CLPTM1: variants seen among roughly 807,000 people sequenced by gnomAD.
CLPTM1 encodes CLPTM1 regulator of GABA type A receptor forward trafficking, also known as putative lipid scramblase CLPTM1.
Under a neutral mutation model 77.3 loss-of-function variants are expected in CLPTM1, and 21 were observed. That is an observed-to-expected ratio of 0.27 (90% CI 0.19 to 0.39). The LOEUF is 0.39. CLPTM1 is among the 10% of genes least tolerant of loss of function. The pLI, the probability that CLPTM1 is intolerant of heterozygous loss-of-function variation, is 1.00. For synonymous variants in CLPTM1, 373 were observed against 381.0 expected, an observed-to-expected ratio of 0.98 and a Z score of 0.24; for missense variants, 642 against 921.2, an observed-to-expected ratio of 0.70 and a Z score of 3.92.
rs753152761 is a variant in CLPTM1 at position 44,962,000 on chromosome 19, C to T, written c.110C>T (p.Ala37Val). 41 of 1,609,880 alleles carry T rather than the reference C, an allele frequency of 2.5e-5. No individual in the cohort carries two copies. The highest frequency in any genetic ancestry group is 3.2e-5 in the Non-Finnish European group (38 of 1,178,736). Residue 37 changes from alanine to valine, a missense_variant, in exon 2 of 14, where the codon GCG (alanine) becomes GTG (valine). Transcript: ENST00000337392. ...GGCAGCATCGGGAGGGACCCGCCAG[C>T]GGAGACCCAGCCTCAGAACCCACCG... ...SNGSIGRDPP[A>V]ETQPQNPPAQ...
At chr19:44,969,528 G>A (rs1375434225) in intron 2 of CLPTM1, among the ~76,000 whole-genome samples, 1 of 152,158 alleles carries the variant, frequency 6.6e-6, no homozygotes, top group African/African-American at 2.4e-5. Context: ...GCAGTCTTCA[G>A]TGACCCAGAC....
chr19:44,958,991 T>C (rs1176830163), intron 1 of CLPTM1, among the ~76,000 whole-genome samples: 1 of 152,252 alleles, frequency 6.6e-6, no homozygotes, highest in Non-Finnish European at 1.5e-5. Context: ...TTGTTCATTT[T>C]TATTTTATTT....
intron 4 of CLPTM1, among the ~76,000 whole-genome samples, chr19:44,975,833 G>A (rs1970797744): frequency 6.6e-6 from 1 of 152,064 alleles, no homozygotes; most frequent in South Asian, 2.1e-4. Flanking sequence ...CAAAGTGCTG[G>A]GATTACAGGC....
chr19:44,967,813 T>C (rs1216445999), intron 2 of CLPTM1, among the ~76,000 whole-genome samples: 1 of 152,200 alleles, frequency 6.6e-6, no homozygotes, highest in African/African-American at 2.4e-5. Flanking sequence ...GTTGCAAAAC[T>C]GACATGTGTG....
rs568428776 is a variant in CLPTM1, at chr19:44,964,375, A to G, written c.185+2300A>G. On this transcript the variant is annotated intron_variant, in intron 2 of 13. Transcript: ENST00000337392. The stretch of plus-strand genomic sequence containing the variant: ...ACCCAGGCTGGAGTGCAGTAGTGCA[A>G]TCTCGGCTCACTGCAGTCTCTGCCT... Among the ~76,000 whole-genome samples, 10 of 127,764 alleles carry G rather than the reference A, an allele frequency of 7.8e-5. No individual in the cohort carries two copies. In the South Asian group the frequency reaches 9.8e-4, roughly 13 times the overall value. The allele number at this position is 127,764 out of a possible 152,430, so 83.8% of individuals were successfully genotyped here. A position where few individuals can be genotyped will look rare whatever the true frequency, so the allele number is the denominator to read the frequency against.
chr19:44,975,453 C>G (rs992080450), intron 4 of CLPTM1, among the ~76,000 whole-genome samples: 1 of 152,244 alleles, frequency 6.6e-6, no homozygotes, highest in Non-Finnish European at 1.5e-5. Context: ...GCCCTCATTC[C>G]TTTCTCCCCA....
At chr19:44,975,217 T>C (rs1900484395) in intron 4 of CLPTM1, among the ~76,000 whole-genome samples, 1 of 152,232 alleles carries the variant, frequency 6.6e-6, no homozygotes, top group Admixed American at 6.5e-5. Flanking sequence ...GCACCCTCTC[T>C]GGGTTCTCAC....
intron 8 of CLPTM1, chr19:44,987,780 T>A: frequency 1.8e-6 from 1 of 557,100 alleles, no homozygotes; most frequent in Non-Finnish European, 3.2e-6. Flanking sequence ...GGCTCGGCTT[T>A]GCCTCCTGGG....
chr19:44,955,676 G>T, intron 1 of CLPTM1: 1 of 420,962 alleles, frequency 2.4e-6, no homozygotes, highest in Non-Finnish European at 4.0e-6. Context: ...TCCCCTGCAC[G>T]CTCGAGCCGG....
chr19:44,983,617 C>CAAAAAAAA lies in CLPTM1; in HGVS notation c.587-1580_587-1573dup, dbSNP rs35582067. Among the ~76,000 whole-genome samples, 25 of 39,800 alleles carry CAAAAAAAA rather than the reference C, an allele frequency of 6.3e-4. 1 individual carries two copies. Among genetic ancestry groups the CAAAAAAAA allele is most frequent in the African/African-American group, 2.1e-3 (16 of 7,494 alleles). The allele number at this position is 39,800 out of a possible 152,430, so 26.1% of individuals were successfully genotyped here. A position where few individuals can be genotyped will look rare whatever the true frequency, so the allele number is the denominator to read the frequency against. Reference sequence around the variant, plus strand: ...TGGATGACAGAGCGAGACTCTGTCTCAAAAAAAAAAAAAAAAAAAAAAAAA... The same window carrying CAAAAAAAA: ...TGGATGACAGAGCGAGACTCTGTCTCAAAAAAAAAAAAAAAAAAAAAAAAAAAAAAAAA... On this transcript the variant is annotated intron_variant, in intron 5 of 13. Coordinates refer to ENST00000337392, the MANE Select transcript of CLPTM1 (RefSeq NM_001294.4).
chr19:44,963,062 G>C (rs1970569463), intron 2 of CLPTM1, among the ~76,000 whole-genome samples: 1 of 150,808 alleles, frequency 6.6e-6, no homozygotes, highest in East Asian at 2.0e-4. Flanking sequence ...ACAAAAATTA[G>C]CTGGGTGTGG....
At chr19:44,972,608 A>G (rs1970738857) in intron 2 of CLPTM1, among the ~76,000 whole-genome samples, 2 of 152,088 alleles carry the variant, frequency 1.3e-5, no homozygotes, top group African/African-American at 4.8e-5. Flanking sequence ...TTGAAGCGCT[A>G]GGATTCCAGA....
Position 44,962,159 on chromosome 19 carries a change from G to A in CLPTM1, c.185+84G>A. The A allele has an allele frequency of 1.3e-5, 10 of 781,870 alleles. No homozygotes were observed. In the South Asian group the frequency reaches 1.7e-4, roughly 13 times the overall value. 48.4% of individuals were successfully genotyped at this position (781,870 alleles called of 1,614,324 possible). ...AAGGAAAAGTCAGCTGATCAGCTGA[G>A]GATGGTGATCATTACTGTATGGTAG... is the stretch of plus-strand genomic sequence containing the variant. On this transcript the variant is annotated intron_variant, in intron 2 of 13. Transcript: ENST00000337392.
Position 44,992,674 on chromosome 19 carries a change from A to G in CLPTM1, c.1787A>G (p.Asn596Ser). ...WIYRVDPTRV[N>S]EFGMSGEDPT... ...TACCGCGTCGACCCCACCCGAGTCA[A>G]CGAGTTTGGCATGAGTGGAGAAGAC... Residue 596 changes from asparagine (N) to serine (S), a missense_variant, in exon 14 of 14, where the codon AAC becomes AGC. Asn to Ser is a conservative substitution (Grantham distance 46). Around this residue, in one of 2 missense-constraint regions of CLPTM1, gnomAD observed 521 missense variants for 800.4 expected, o/e 0.65. Coordinates refer to ENST00000337392, the MANE Select transcript of CLPTM1 (RefSeq NM_001294.4). This position sits in a 1 kb window ranked among gnomAD's most constrained non-coding sequence, Gnocchi z 7.7. The G allele has an allele frequency of 6.2e-7, 1 of 1,613,960 alleles. No homozygotes were observed.
rs35539206 is a variant in CLPTM1 at position 44,964,298 on chromosome 19, CTTTTTTTT to C, written c.185+2246_185+2253del. Among the ~76,000 whole-genome samples the C allele has an allele frequency of 2.3e-4, 16 of 68,146 alleles. No individual in the cohort carries two copies. The East Asian group carries it at 3.7e-3, about 16-fold the overall frequency. The allele number at this position is 68,146 out of a possible 152,430, so 44.7% of individuals were successfully genotyped here. On this transcript the variant is annotated intron_variant, in intron 2 of 13. Transcript: ENST00000337392. ...TTTTAACCTATGTTTTCATTTTAACCTTTTTTTTTTTTTTTTTTTTTTTTTTTTTTGAG... is the reference window on the plus strand; with the variant it reads ...TTTTAACCTATGTTTTCATTTTAACCTTTTTTTTTTTTTTTTTTTTTTGAG...
chr19:44,989,260 A>ATCTG (rs1252776284), intron 9 of CLPTM1, among the ~76,000 whole-genome samples: 1 of 152,254 alleles, frequency 6.6e-6, no homozygotes, highest in African/African-American at 2.4e-5. Flanking sequence ...CCAGCCAGCC[A>ATCTG]TCTACCAGCT....
rs1310542802 is a variant in CLPTM1, at chr19:44,977,346, G to A, written c.472G>A (p.Val158Ile). ...CCTGACCTTCCGTCTTTTGCAGAGC[G>A]TCCAGCAGAACGGCTCCATCTACAT... ...HFAELDIPQS[V>I]QQNGSIYIHV... Residue 158 changes from valine (V) to isoleucine (I), a missense_variant, in exon 5 of 14, where the codon GTC (valine) becomes ATC (isoleucine). Val to Ile is a conservative substitution (Grantham distance 29). This residue lies in a region of CLPTM1 where 521 missense variants were observed against 800.4 expected (regional missense o/e 0.65). Coordinates refer to ENST00000337392, the MANE Select transcript of CLPTM1 (RefSeq NM_001294.4). 3.1e-6 allele frequency: 5 copies of A among 1,608,434 alleles called. No individual in the cohort carries two copies. The highest frequency in any genetic ancestry group is 2.2e-5 in the East Asian group (1 of 44,868).
At position 44,987,170 on chromosome 19, in the gene CLPTM1, G is replaced by A. The variant is rs7257610; in HGVS notation, c.794-9G>A. ...GGGCCAAATGGTGCCCCTGCCCCAC[G>A]TGCTGCAGATGTGAAGTTCGACGCC... On this transcript the variant is annotated splice_polypyrimidine_tract_variant and intron_variant, in intron 7 of 13. Transcript: ENST00000337392. 76,808 of 1,604,814 alleles carry A rather than the reference G, an allele frequency of 0.048. 2,193 individuals carry two copies. The highest frequency in any genetic ancestry group is 0.12 in the African/African-American group (8,656 of 74,818).
intron 5 of CLPTM1, 99 bp downstream of exon 5, chr19:44,977,559 C>T: frequency 1.1e-6 from 1 of 929,438 alleles, no homozygotes; most frequent in Non-Finnish European, 1.7e-6. Flanking sequence ...TCCAGGAGGG[C>T]AGGCAGGAAG....
Sources: allele counts gnomAD v4.1 joint callset (sites outside exome capture counted in the v4.1 genomes callset), GRCh38; gene constraint gnomAD v4.1.1; regional missense constraint gnomAD v4.1.1; non-coding constraint Gnocchi (gnomAD v3.1); transcripts MANE v1.5; gene names NCBI Gene and HGNC (gene_info 2026-07-23, HGNC 2026-07-21).